The following ACOXL variants were observed in gnomAD, a reference collection of about 807,000 sequenced individuals.
The protein encoded by ACOXL is acyl-coenzyme A oxidase-like protein.
In ACOXL, 70 loss-of-function variants were observed where a neutral mutation model predicts 71.9. The observed-to-expected ratio is 0.97, with a 90% CI of 0.80 to 1.19. ACOXL has a LOEUF of 1.19. ACOXL is among the 50% of genes most tolerant of loss of function. The probability of loss-of-function intolerance (pLI) is 0.00; values close to 1 mark genes in which losing one functional copy is unlikely to be tolerated. For synonymous variants in ACOXL, 253 were observed against 281.6 expected, an observed-to-expected ratio of 0.90 and a Z score of 1.02; for missense variants, 703 against 736.3, an observed-to-expected ratio of 0.95 and a Z score of 0.52.
At chr2:110,787,932 T>C (rs1303638781) in intron 3 of ACOXL, among the ~76,000 whole-genome samples, 1 of 152,232 alleles carries the variant, frequency 6.6e-6, no homozygotes, top group African/African-American at 2.4e-5. Context: ...ATTTTGAATC[T>C]ATATATTTAT....
chr2:110,847,034 G>A (rs1025598809), intron 10 of ACOXL, among the ~76,000 whole-genome samples: 1 of 152,056 alleles, frequency 6.6e-6, no homozygotes, highest in Admixed American at 6.6e-5. Flanking sequence ...GTCTCTTGAT[G>A]TTCATTCCCC....
chr2:110,878,061 A>T (rs560033268), intron 10 of ACOXL, among the ~76,000 whole-genome samples: 9 of 152,216 alleles, frequency 5.9e-5, no homozygotes, highest in Non-Finnish European at 1.2e-4. Flanking sequence ...CTCATGTCAA[A>T]ATTTAAAACA....
At chr2:110,957,814 T>G (rs981317721) in intron 12 of ACOXL, among the ~76,000 whole-genome samples, 2 of 152,016 alleles carry the variant, frequency 1.3e-5, no homozygotes, top group African/African-American at 4.8e-5. Flanking sequence ...CCTAGCACTT[T>G]GGGAGGCCGA....
chr2:110,918,004 T>C (rs907165253), intron 11 of ACOXL, among the ~76,000 whole-genome samples: 11 of 152,340 alleles, frequency 7.2e-5, no homozygotes, highest in African/African-American at 2.6e-4. Flanking sequence ...ATAGATTCAA[T>C]GCTATCCCTA....
At chr2:110,966,763 T>A (rs1406240969) in intron 12 of ACOXL, among the ~76,000 whole-genome samples, 1 of 152,024 alleles carries the variant, frequency 6.6e-6, no homozygotes, top group African/African-American at 2.4e-5. Flanking sequence ...GAAAAGGGGG[T>A]AGTTGGCCCT....
intron 11 of ACOXL, among the ~76,000 whole-genome samples, chr2:110,913,590 G>T (rs1269903965): frequency 6.6e-6 from 1 of 152,124 alleles, no homozygotes; most frequent in Non-Finnish European, 1.5e-5. Flanking sequence ...TGGTTGCCAG[G>T]GACTGAGGGG....
chr2:111,086,778 G>A (rs1402757164), intron 16 of ACOXL, among the ~76,000 whole-genome samples: 1 of 151,990 alleles, frequency 6.6e-6, no homozygotes, highest in Non-Finnish European at 1.5e-5. Context: ...CACTACCTCT[G>A]CTTAACATAG....
chr2:111,049,841 A>T (rs2066199175), intron 16 of ACOXL, among the ~76,000 whole-genome samples: 2 of 138,320 alleles, frequency 1.4e-5, no homozygotes, highest in African/African-American at 5.5e-5. Flanking sequence ...CTTCCAAGTG[A>T]CAGGAGCAGA....
chr2:111,019,375 C>G, intron 14 of ACOXL, among the ~76,000 whole-genome samples: 1 of 152,152 alleles, frequency 6.6e-6, no homozygotes, highest in East Asian at 1.9e-4. Context: ...AGTTCAAATG[C>G]GTGCTAAATG....
chr2:110,962,375 T>C (rs2061732621), intron 12 of ACOXL, among the ~76,000 whole-genome samples: 1 of 152,236 alleles, frequency 6.6e-6, no homozygotes, highest in East Asian at 1.9e-4. Flanking sequence ...AGTGAACTTC[T>C]GGTTGGAAAT....
chr2:110,945,958 A>G (rs1312897709), intron 12 of ACOXL, among the ~76,000 whole-genome samples: 1 of 152,138 alleles, frequency 6.6e-6, no homozygotes, highest in African/African-American at 2.4e-5. Flanking sequence ...TTTTAACACT[A>G]TCAATTCTTT....
At chr2:110,773,581 G>A (rs1275891397) in intron 2 of ACOXL, among the ~76,000 whole-genome samples, 1 of 152,192 alleles carries the variant, frequency 6.6e-6, no homozygotes, top group Non-Finnish European at 1.5e-5. Context: ...ACTGGCTCCT[G>A]ACCGACGGAC....
At chr2:110,793,801 T>A in intron 4 of ACOXL, 65 bp downstream of exon 4, 2 of 1,250,020 alleles carry the variant, frequency 1.6e-6, no homozygotes, top group Middle Eastern at 3.7e-4. Context: ...TAGATAGATA[T>A]GCATGTGTGT....
intron 10 of ACOXL, among the ~76,000 whole-genome samples, chr2:110,869,627 G>A (rs960902925): frequency 2.6e-5 from 4 of 152,196 alleles, no homozygotes; most frequent in Admixed American, 2.6e-4. Flanking sequence ...GTCCCTGCAA[G>A]CCCTGTGCTT....
chr2:110,815,098 C>A (rs541155561), intron 9 of ACOXL, among the ~76,000 whole-genome samples: 1 of 152,258 alleles, frequency 6.6e-6, no homozygotes, highest in Admixed American at 6.5e-5. Flanking sequence ...GAAGGGCGAG[C>A]AAATATGTCC....
intron 16 of ACOXL, among the ~76,000 whole-genome samples, chr2:111,059,258 A>G (rs1309931360): frequency 6.6e-6 from 1 of 152,216 alleles, no homozygotes; most frequent in Non-Finnish European, 1.5e-5. Context: ...AATAATAGTA[A>G]AAAACTGGAA....
At chr2:110,905,697 G>A (rs1574066834) in intron 10 of ACOXL, among the ~76,000 whole-genome samples, 1 of 152,200 alleles carries the variant, frequency 6.6e-6, no homozygotes, top group East Asian at 1.9e-4. Context: ...GTCCTCAGGG[G>A]ATAGCCGTTT....
At chr2:110,746,151 C>T (rs1460463532) in intron 1 of ACOXL, among the ~76,000 whole-genome samples, 3 of 152,164 alleles carry the variant, frequency 2.0e-5, no homozygotes, top group Non-Finnish European at 2.9e-5. Context: ...GGTGCTTACC[C>T]AGATTACAGC....
intron 10 of ACOXL, among the ~76,000 whole-genome samples, chr2:110,901,282 G>A (rs911390009): frequency 2.0e-5 from 3 of 152,204 alleles, no homozygotes; most frequent in Admixed American, 6.5e-5. Flanking sequence ...GGAAATCTGA[G>A]CTTTAGTGTC....
Sources: allele counts gnomAD v4.1 joint callset (sites outside exome capture counted in the v4.1 genomes callset), GRCh38; gene constraint gnomAD v4.1.1; transcripts MANE v1.5; gene names NCBI Gene and HGNC (gene_info 2026-07-23, HGNC 2026-07-21).